The following CTNND2 variants were observed in gnomAD, a reference collection of about 807,000 sequenced individuals.
The protein encoded by CTNND2 is catenin delta 2, also known as catenin delta-2.
Under a neutral mutation model 144.4 loss-of-function variants are expected in CTNND2, and 22 were observed. The observed-to-expected ratio is 0.15, with a 90% CI of 0.11 to 0.22. CTNND2 has a LOEUF of 0.22. Among genes scored for constraint, CTNND2 ranks in the 10% least tolerant of loss-of-function variants. The pLI is 1.00. For missense variants in CTNND2, 1,353 were observed against 1,618.8 expected, an observed-to-expected ratio of 0.84 and a Z score of 2.82; for synonymous variants, 751 against 695.6, an observed-to-expected ratio of 1.08 and a Z score of -1.25.
chr5:11,494,398 G>A (rs1410178393), intron 3 of CTNND2, among the ~76,000 whole-genome samples: 1 of 152,120 alleles, frequency 6.6e-6, no homozygotes, highest in African/African-American at 2.4e-5. Context: ...TACAAAAAAA[G>A]AGAGTGATTT....
At chr5:11,466,064 C>T (rs11749089) in intron 3 of CTNND2, among the ~76,000 whole-genome samples, 13,794 of 152,248 alleles carry the variant, frequency 0.091, 816 homozygotes, top group Middle Eastern at 0.21. Context: ...GACTGGAGTA[C>T]AGTAGTATGA....
chr5:11,849,156 G>T (rs1048226883), intron 1 of CTNND2, among the ~76,000 whole-genome samples: 1 of 152,058 alleles, frequency 6.6e-6, no homozygotes, highest in Non-Finnish European at 1.5e-5. Flanking sequence ...ATGACAAAAG[G>T]CACATCTTAC....
intron 10 of CTNND2, among the ~76,000 whole-genome samples, chr5:11,219,541 A>C (rs1263076923): frequency 6.6e-6 from 1 of 152,206 alleles, no homozygotes; most frequent in East Asian, 1.9e-4. Flanking sequence ...ATGACCTTAC[A>C]TAGCAAAAGG....
intron 3 of CTNND2, among the ~76,000 whole-genome samples, chr5:11,560,680 C>A (rs1171987162): frequency 6.6e-6 from 1 of 152,168 alleles, no homozygotes; most frequent in African/African-American, 2.4e-5. Flanking sequence ...GAGAAACAGT[C>A]CAGTCTGTGC....
At chr5:11,689,455 T>C (rs747255501) in intron 2 of CTNND2, among the ~76,000 whole-genome samples, 4 of 152,212 alleles carry the variant, frequency 2.6e-5, no homozygotes, top group Admixed American at 2.6e-4. Flanking sequence ...CTAAAATACA[T>C]ATTAATTTTT....
At chr5:11,774,567 A>AT (rs1561785399) in intron 1 of CTNND2, among the ~76,000 whole-genome samples, 1 of 150,168 alleles carries the variant, frequency 6.7e-6, no homozygotes, top group African/African-American at 2.4e-5. Flanking sequence ...AAATTAAAAA[A>AT]AAAAACAATG....
chr5:11,026,483 G>A (rs1238975619), intron 16 of CTNND2, among the ~76,000 whole-genome samples: 2 of 148,804 alleles, frequency 1.3e-5, no homozygotes, highest in South Asian at 2.2e-4. Context: ...TCAGCCTCCC[G>A]AGTAGCTGGG....
At chr5:11,901,522 G>A (rs1737881443) in intron 1 of CTNND2, among the ~76,000 whole-genome samples, 1 of 152,152 alleles carries the variant, frequency 6.6e-6, no homozygotes, top group Admixed American at 6.5e-5. Context: ...ATGTAAAGTG[G>A]ATAGAAATAC....
chr5:11,327,090 G>T (rs569393005), intron 9 of CTNND2, among the ~76,000 whole-genome samples: 2 of 152,270 alleles, frequency 1.3e-5, no homozygotes, highest in South Asian at 4.1e-4. Flanking sequence ...CAGGGTCCAC[G>T]TTGAGGCATC....
intron 10 of CTNND2, among the ~76,000 whole-genome samples, chr5:11,229,944 C>A (rs773099115): frequency 7.6e-4 from 115 of 151,938 alleles, no homozygotes; most frequent in Non-Finnish European, 9.6e-4. Flanking sequence ...CATAAATAAA[C>A]TGCAATCCTC....
intron 10 of CTNND2, among the ~76,000 whole-genome samples, chr5:11,206,211 A>C (rs1738030478): frequency 6.6e-6 from 1 of 152,218 alleles, no homozygotes; most frequent in African/African-American, 2.4e-5. Flanking sequence ...TGTACGGTAT[A>C]TATCGAATAG....
chr5:11,540,909 GT>G, intron 3 of CTNND2, among the ~76,000 whole-genome samples: 1 of 152,312 alleles, frequency 6.6e-6, no homozygotes, highest in East Asian at 1.9e-4. Context: ...ACAGGCAGGG[GT>G]TGAGTGAATA....
intron 1 of CTNND2, among the ~76,000 whole-genome samples, chr5:11,894,642 T>A (rs1737253699): frequency 2.0e-5 from 3 of 152,196 alleles, no homozygotes; most frequent in African/African-American, 7.2e-5. Context: ...TGATTAAGCT[T>A]CCCAAAGCAT....
intron 1 of CTNND2, among the ~76,000 whole-genome samples, chr5:11,796,753 A>T (rs4476723): frequency 0.88 from 133,943 of 152,110 alleles, 60,938 homozygotes; most frequent in South Asian, 0.99. Context: ...AAAAATCTAT[A>T]TAAAAACTAA....
intron 1 of CTNND2, among the ~76,000 whole-genome samples, chr5:11,810,144 ACTATG>A (rs61761643): frequency 1.7e-3 from 253 of 152,318 alleles, no homozygotes; most frequent in African/African-American, 5.7e-3. Flanking sequence ...ATTAGCATAT[ACTATG>A]CTATATTTTT....
chr5:11,582,661 G>C (rs1459928654), intron 2 of CTNND2, among the ~76,000 whole-genome samples: 1 of 152,068 alleles, frequency 6.6e-6, no homozygotes, highest in African/African-American at 2.4e-5. Context: ...AAAAATAAAG[G>C]TTTACATATA....
At chr5:11,268,011 A>G (rs371661800) in intron 9 of CTNND2, among the ~76,000 whole-genome samples, 29 of 152,188 alleles carry the variant, frequency 1.9e-4, no homozygotes, top group African/African-American at 6.8e-4. Context: ...CGAAGTCCCA[A>G]AAAACTGTTT....
At chr5:11,098,402 T>G (rs1376450936) in intron 15 of CTNND2, among the ~76,000 whole-genome samples, 173 bp downstream of exon 15, 1 of 152,198 alleles carries the variant, frequency 6.6e-6, no homozygotes, top group African/African-American at 2.4e-5. Flanking sequence ...GCCTTTAAGA[T>G]CAATTTTTAA....
At chr5:11,466,765 G>C (rs565965739) in intron 3 of CTNND2, among the ~76,000 whole-genome samples, 1 of 152,300 alleles carries the variant, frequency 6.6e-6, no homozygotes, top group African/African-American at 2.4e-5. Flanking sequence ...CAGTGGGAAA[G>C]TCACTGACGC....
Sources: gnomAD v4.1 joint callset for allele counts (sites outside exome capture counted in the v4.1 genomes callset) on GRCh38, gnomAD v4.1.1 for gene constraint, MANE v1.5 for transcripts, NCBI Gene and HGNC (gene_info 2026-07-23, HGNC 2026-07-21) for gene names.